Variants in DOCK2 observed in about 807,000 individuals in gnomAD.
DOCK2 encodes dedicator of cytokinesis protein 2.
DOCK2 carries 87 observed loss-of-function variants against 248.9 expected under a neutral mutation model. The ratio of observed to expected loss-of-function variants is 0.35; its 90% CI spans 0.29 to 0.42. The LOEUF is 0.42. Among genes scored for constraint, DOCK2 ranks in the 10% least tolerant of loss-of-function variants. The pLI, the probability that DOCK2 is intolerant of heterozygous loss-of-function variation, is 1.00. For synonymous variants in DOCK2, 805 were observed against 821.6 expected (o/e 0.98, Z 0.35); for missense variants, 1,747 against 2,300.2 (o/e 0.76, Z 4.92).
At chr5:169,759,218 G>C (rs907787088) in intron 23 of DOCK2, among the ~76,000 whole-genome samples, 10 of 152,198 alleles carry the variant, frequency 6.6e-5, no homozygotes, top group Non-Finnish European at 1.2e-4. Flanking sequence ...CTTGTCACCA[G>C]CAAAGCAATT....
chr5:169,701,537 T>C (rs904636357), intron 13 of DOCK2, among the ~76,000 whole-genome samples: 1 of 152,078 alleles, frequency 6.6e-6, no homozygotes, highest in Non-Finnish European at 1.5e-5. Context: ...AGATGGGGTT[T>C]AGCTCTGTTA....
At position 169,747,462 on chromosome 5, in the gene DOCK2, C is replaced by T. The variant is rs1763674351; in HGVS notation, c.2334C>T (p.Asn778=). 3 of 1,613,618 alleles carry T rather than the reference C, an allele frequency of 1.9e-6. No homozygotes were observed. The highest frequency in any genetic ancestry group is 2.5e-6 in the Non-Finnish European group (3 of 1,179,842). The part of the protein sequence containing the change: ...ESMRRLFESI[N]NLMKSQYKTT... ...TGAGACGGCTCTTTGAATCCATCAA[C>T]AATCTGATGAAAAGTCAATACAAAA... The change falls in exon 23 of 52, where the codon AAC becomes AAT. Residue 778 remains asparagine, a synonymous_variant. Coordinates refer to ENST00000520908, the MANE Select transcript of DOCK2 (RefSeq NM_004946.3).
At chr5:169,752,583 T>TAA (rs75976522) in intron 23 of DOCK2, among the ~76,000 whole-genome samples, 7 of 132,372 alleles carry the variant, frequency 5.3e-5, no homozygotes, top group Admixed American at 2.8e-4. Flanking sequence ...GACAAAAAAT[T>TAA]AAAAAAAAAA....
chr5:169,863,395 G>A (rs1166047471), intron 27 of DOCK2, among the ~76,000 whole-genome samples: 2 of 152,328 alleles, frequency 1.3e-5, no homozygotes, highest in East Asian at 3.9e-4. Flanking sequence ...GTAACTGATG[G>A]ACAGGTTGCT....
chr5:170,060,480 A>ATGTGCTAGCTAAGTGACAGACC (rs1484094064), intron 44 of DOCK2, among the ~76,000 whole-genome samples: 1 of 152,196 alleles, frequency 6.6e-6, no homozygotes, highest in African/African-American at 2.4e-5. Flanking sequence ...GCTAGAATCA[A>ATGTGCTAGCTAAGTGACAGACC]TGTGCTAGCT....
chr5:170,044,847 G>A (rs545387392), intron 38 of DOCK2, among the ~76,000 whole-genome samples: 8 of 152,150 alleles, frequency 5.3e-5, no homozygotes, highest in African/African-American at 1.9e-4. Flanking sequence ...TCTCCATTTA[G>A]GTGCATTTTC....
chr5:169,647,973 C>T (rs771902444), intron 1 of DOCK2, among the ~76,000 whole-genome samples: 14 of 152,138 alleles, frequency 9.2e-5, no homozygotes, highest in Non-Finnish European at 1.5e-4. Flanking sequence ...GAGTGCCAGA[C>T]GCTCTCTGCA....
chr5:170,048,886 G>T (rs1756811657), intron 40 of DOCK2, among the ~76,000 whole-genome samples: 1 of 152,158 alleles, frequency 6.6e-6, no homozygotes, highest in Non-Finnish European at 1.5e-5. Flanking sequence ...CAAAAGAAAT[G>T]GCTAATCTGA....
chr5:169,928,681 C>T (rs375259418), intron 27 of DOCK2, among the ~76,000 whole-genome samples: 2 of 152,072 alleles, frequency 1.3e-5, no homozygotes, highest in East Asian at 1.9e-4. Context: ...ACTGTTGAAG[C>T]GTAAAGCATT....
At chr5:169,768,799 C>T (rs868412393) in intron 25 of DOCK2, among the ~76,000 whole-genome samples, 2 of 152,230 alleles carry the variant, frequency 1.3e-5, no homozygotes, top group Non-Finnish European at 2.9e-5. Context: ...TGTCATCTCT[C>T]TTTGTACCTT....
At chr5:170,031,702 G>A (rs909315021) in intron 34 of DOCK2, among the ~76,000 whole-genome samples, 1 of 152,178 alleles carries the variant, frequency 6.6e-6, no homozygotes, top group Non-Finnish European at 1.5e-5. Flanking sequence ...GCCACATGTT[G>A]AGTGGAAGGA....
At chr5:169,939,413 A>T (rs2113701873) in intron 27 of DOCK2, among the ~76,000 whole-genome samples, 1 of 152,160 alleles carries the variant, frequency 6.6e-6, no homozygotes, top group African/African-American at 2.4e-5. Context: ...GTCCTGAAGG[A>T]CCTGCCTGAG....
At chr5:169,841,473 G>T in intron 27 of DOCK2, 1 of 985,072 alleles carries the variant, frequency 1.0e-6, no homozygotes, top group Non-Finnish European at 1.2e-6. Context: ...ATGCTTTCAG[G>T]GGCCAGTCAC....
intron 27 of DOCK2, among the ~76,000 whole-genome samples, chr5:169,942,712 C>A (rs1052006675): frequency 2.0e-5 from 3 of 152,140 alleles, no homozygotes; most frequent in Non-Finnish European, 4.4e-5. Context: ...GACACAGCTC[C>A]TGCCCTCCAC....
At chr5:169,814,500 T>A (rs1767949162) in intron 26 of DOCK2, among the ~76,000 whole-genome samples, 1 of 152,272 alleles carries the variant, frequency 6.6e-6, no homozygotes, top group South Asian at 2.1e-4. Context: ...GAAGGAAAAC[T>A]GGCAAAATTA....
chr5:169,974,248 A>AGTG (rs1777633593), intron 27 of DOCK2, among the ~76,000 whole-genome samples: 1 of 152,226 alleles, frequency 6.6e-6, no homozygotes, highest in African/African-American at 2.4e-5. Flanking sequence ...ATTACATAAG[A>AGTG]TAAAGCTTAC....
intron 46 of DOCK2, among the ~76,000 whole-genome samples, chr5:170,071,547 A>C (rs545502890): frequency 1.6e-3 from 249 of 152,336 alleles, no homozygotes; most frequent in African/African-American, 5.5e-3. Flanking sequence ...TGGCATAAAA[A>C]GATGTCTATA....
intron 27 of DOCK2, among the ~76,000 whole-genome samples, chr5:169,968,567 A>G (rs755281714): frequency 1.2e-4 from 19 of 152,198 alleles, no homozygotes; most frequent in Non-Finnish European, 2.4e-4. Context: ...AAATATCCCT[A>G]TGGAGTTCGT....
Position 170,040,642 on chromosome 5 carries a change from G to A in DOCK2, c.3666-413G>A, listed in dbSNP as rs1756484299. On this transcript the variant is annotated intron_variant, in intron 36 of 51. Transcript: ENST00000520908. ...CCTGACTCTTCTGTTTATTAGCACA[G>A]AACTCCTGATAAATTGTCTCTCTCT... 2.9e-5 allele frequency: 6 copies of A among 204,496 alleles called. No homozygotes were observed. The South Asian group carries it at 4.4e-4, about 15-fold the overall frequency. 12.7% of individuals were successfully genotyped at this position (204,496 alleles called of 1,614,324 possible). A position where few individuals can be genotyped will look rare whatever the true frequency, so the allele number is the denominator to read the frequency against.
Sources: gnomAD v4.1 joint callset for allele counts (sites outside exome capture counted in the v4.1 genomes callset) on GRCh38, gnomAD v4.1.1 for gene constraint, MANE v1.5 for transcripts, NCBI Gene and HGNC (gene_info 2026-07-23, HGNC 2026-07-21) for gene names.